The following MYOM1 variants were observed in gnomAD, a reference collection of about 807,000 sequenced individuals.
The protein encoded by MYOM1 is myomesin 1, also known as myomesin-1.
A neutral mutation model predicts 205.3 loss-of-function variants in MYOM1; 164 were observed. The observed-to-expected ratio is 0.80, with a 90% confidence interval of 0.70 to 0.91. The LOEUF (loss-of-function observed/expected upper bound fraction) is 0.91. Among genes scored for constraint, MYOM1 ranks in the 40% least tolerant of loss-of-function variants. The pLI is 0.00. For synonymous variants in MYOM1, 772 were observed against 789.4 expected (o/e 0.98, Z 0.37); for missense variants, 2,011 against 2,127.3 (o/e 0.95, Z 1.08).
chr18:3,130,056 T>C (rs979367578), intron 17 of MYOM1, among the ~76,000 whole-genome samples: 5 of 151,978 alleles, frequency 3.3e-5, no homozygotes, highest in Non-Finnish European at 5.9e-5. Context: ...TTCTTCTTTT[T>C]TTTTTTTTTG....
At position 3,201,725 on chromosome 18, in the gene MYOM1, C is replaced by A. The variant is rs527432323; in HGVS notation, c.291-7767G>T. Among the ~76,000 whole-genome samples the A allele has an allele frequency of 1.8e-3, 278 of 150,366 alleles. 2 individuals are homozygous for A. Among genetic ancestry groups the A allele is most frequent in the Non-Finnish European group, 3.1e-3 (209 of 67,730 alleles). On this transcript the variant is annotated intron_variant, in intron 2 of 37. Coordinates refer to ENST00000356443, the MANE Select transcript of MYOM1 (RefSeq NM_003803.4). Reference sequence around the variant, plus strand: ...TGCAATGGCGTGGTCATAACTATAACCTCGATCTCCCGGGCTCAAGCCATC... The same window carrying A: ...TGCAATGGCGTGGTCATAACTATAAACTCGATCTCCCGGGCTCAAGCCATC...
chr18:3,106,085 A>C (rs1480981527), intron 22 of MYOM1, among the ~76,000 whole-genome samples: 2 of 152,232 alleles, frequency 1.3e-5, no homozygotes, highest in African/African-American at 4.8e-5. Flanking sequence ...CCAACTCTTT[A>C]CATAGCGTTT....
Position 3,142,416 on chromosome 18 carries a change from C to T in MYOM1, c.1901-353G>A, listed in dbSNP as rs1487357994. Among the ~76,000 whole-genome samples the T allele has an allele frequency of 2.6e-5, 4 of 152,082 alleles. No individual in the cohort carries two copies. The East Asian group carries it at 7.8e-4, about 30-fold the overall frequency. ...AGCTGGGACCACAGGTGCACACCACCACACCTACATAATTCAAAAAAAAAT... is the reference window on the plus strand; with the variant it reads ...AGCTGGGACCACAGGTGCACACCACTACACCTACATAATTCAAAAAAAAAT... On this transcript the variant is annotated intron_variant, in intron 13 of 37. Transcript: ENST00000356443.
At chr18:3,215,506 G>A (rs982812668) in intron 1 of MYOM1, among the ~76,000 whole-genome samples, 52 of 152,152 alleles carry the variant, frequency 3.4e-4, no homozygotes, top group African/African-American at 1.3e-3. Context: ...CGGAGGCTGA[G>A]GCAGGAGGAT....
intron 19 of MYOM1, among the ~76,000 whole-genome samples, chr18:3,126,101 C>T (rs2079777125): frequency 1.3e-5 from 2 of 151,952 alleles, no homozygotes; most frequent in African/African-American, 4.8e-5. Flanking sequence ...AAACCCTCTA[C>T]TAAAAATAGA....
At position 3,193,925 on chromosome 18, in the gene MYOM1, A is replaced by G; in HGVS notation, c.324T>C (p.Tyr108=). ...LTDSSLLLDD[Y]SSKLSPKPKR... ...TTGGTTTGGGGCTCAACTTGGATGA[A>G]TAATCATCTAACAGCAGACTGGAAT... Residue 108 remains tyrosine, a synonymous_variant, in exon 3 of 38, where the codon TAT becomes TAC. Coordinates refer to ENST00000356443, the MANE Select transcript of MYOM1 (RefSeq NM_003803.4). 1 of 1,613,864 alleles carries G rather than the reference A, an allele frequency of 6.2e-7. No individual in the cohort carries two copies. Among genetic ancestry groups the G allele is most frequent in the Non-Finnish European group, 8.5e-7 (1 of 1,179,790 alleles).
intron 9 of MYOM1, among the ~76,000 whole-genome samples, chr18:3,166,923 C>G (rs1045211837): frequency 6.6e-6 from 1 of 152,072 alleles, no homozygotes; most frequent in Admixed American, 6.6e-5. Flanking sequence ...CTAGAGAAAA[C>G]TTTAAGATAA....
At chr18:3,111,068 C>T in intron 22 of MYOM1, among the ~76,000 whole-genome samples, 1 of 147,022 alleles carries the variant, frequency 6.8e-6, no homozygotes, top group Non-Finnish European at 1.5e-5. Flanking sequence ...TTTCCTGCCT[C>T]AGCCTCCCGA....
At chr18:3,085,737 T>C (rs2079145736) in intron 30 of MYOM1, among the ~76,000 whole-genome samples, 1 of 152,248 alleles carries the variant, frequency 6.6e-6, no homozygotes, top group Non-Finnish European at 1.5e-5. Flanking sequence ...GTCTGATGTC[T>C]CTGTACTTTT....
intron 19 of MYOM1, among the ~76,000 whole-genome samples, chr18:3,124,593 TGCTGGGATTACAGGCGTGA>T (rs1223350102): frequency 4.6e-5 from 7 of 152,084 alleles, no homozygotes; most frequent in African/African-American, 1.4e-4. Flanking sequence ...CCTCCCAAAG[TGCTGGGATTACAGGCGTGA>T]GCCACCGCGC....
chr18:3,153,951 G>A (rs1471757706), intron 11 of MYOM1, among the ~76,000 whole-genome samples: 1 of 152,178 alleles, frequency 6.6e-6, no homozygotes. Context: ...TAATTAATGT[G>A]TAAAGCCCAG....
At chr18:3,148,600 C>A (rs1366234262) in intron 13 of MYOM1, among the ~76,000 whole-genome samples, 1 of 151,964 alleles carries the variant, frequency 6.6e-6, no homozygotes, top group Admixed American at 6.6e-5. Flanking sequence ...GTCATCCCAG[C>A]ACTTTGGGAG....
chr18:3,092,914 AC>A (rs1229378090), intron 26 of MYOM1, among the ~76,000 whole-genome samples: 1 of 152,348 alleles, frequency 6.6e-6, no homozygotes, highest in East Asian at 1.9e-4. Flanking sequence ...GAAGGGGAGT[AC>A]GTCTATATGC....
At chr18:3,132,118 G>GTGTGTATATA (rs369243798) in intron 16 of MYOM1, among the ~76,000 whole-genome samples, 1 of 143,458 alleles carries the variant, frequency 7.0e-6, no homozygotes, top group Non-Finnish European at 1.5e-5. Context: ...ATATGTGTGT[G>GTGTGTATATA]TATATATATA....
chr18:3,183,431 G>A (rs751239301), intron 5 of MYOM1, among the ~76,000 whole-genome samples: 4 of 152,162 alleles, frequency 2.6e-5, no homozygotes, highest in South Asian at 2.1e-4. Context: ...GTTGGAGAGC[G>A]GCTGCTGAGT....
chr18:3,141,165 T>C (rs925078051), intron 14 of MYOM1, among the ~76,000 whole-genome samples: 1 of 152,244 alleles, frequency 6.6e-6, no homozygotes, highest in African/African-American at 2.4e-5. Flanking sequence ...ATTTCTACAC[T>C]TGTGGCTGAG....
chr18:3,143,936 G>T (rs981445954), intron 13 of MYOM1, among the ~76,000 whole-genome samples: 5 of 149,532 alleles, frequency 3.3e-5, no homozygotes, highest in Admixed American at 6.7e-5. Context: ...GCCAGGCACG[G>T]TGGCTCACAC....
chr18:3,076,386 G>A (rs1380587628), intron 34 of MYOM1, among the ~76,000 whole-genome samples: 1 of 152,128 alleles, frequency 6.6e-6, no homozygotes, highest in African/African-American at 2.4e-5. Flanking sequence ...CTGTTTCAAA[G>A]AAAAGCTGGT....
chr18:3,132,380 G>A lies in MYOM1; in HGVS notation c.2385-884C>T, dbSNP rs563473525. ...CTTGGCCAGGCTGGTCTTGAACTCC[G>A]ACCTCGTGATCCACCCACCTCGGCC... is the stretch of plus-strand genomic sequence containing the variant. On this transcript the variant is annotated intron_variant, in intron 16 of 37. Transcript: ENST00000356443. Among the ~76,000 whole-genome samples, 3 of 151,852 alleles carry A rather than the reference G, an allele frequency of 2.0e-5. No homozygotes were observed. In the South Asian group the frequency reaches 6.2e-4, roughly 32 times the overall value.
Sources: allele counts gnomAD v4.1 joint callset (sites outside exome capture counted in the v4.1 genomes callset), GRCh38; gene constraint gnomAD v4.1.1; transcripts MANE v1.5; gene names NCBI Gene and HGNC (gene_info 2026-07-23, HGNC 2026-07-21).